Variants in PTPN14 observed in about 807,000 individuals in gnomAD.
PTPN14 encodes tyrosine-protein phosphatase non-receptor type 14.
PTPN14 carries 53 observed loss-of-function variants against 126.8 expected under a neutral mutation model. The observed-to-expected ratio is 0.42, with a 90% CI of 0.34 to 0.53. The LOEUF (loss-of-function observed/expected upper bound fraction) is 0.53. Among genes scored for constraint, PTPN14 ranks in the 20% least tolerant of loss-of-function variants. The probability of loss-of-function intolerance (pLI) is 0.08; values close to 1 mark genes in which losing one functional copy is unlikely to be tolerated. For missense variants in PTPN14, 1,257 were observed against 1,552.9 expected (o/e 0.81, Z 3.20); for synonymous variants, 630 against 599.3 (o/e 1.05, Z -0.75).
intron 3 of PTPN14, among the ~76,000 whole-genome samples, chr1:214,449,011 C>CTTTTTTTTTTTTTTCT (rs71165970): frequency 8.9e-6 from 1 of 112,440 alleles, no homozygotes; most frequent in Admixed American, 1.0e-4. Flanking sequence ...CTTAATTTTT[C>CTTTTTTTTTTTTTTCT]TTTTTTTTTT....
At chr1:214,466,024 T>C (rs1660629983) in intron 1 of PTPN14, among the ~76,000 whole-genome samples, 1 of 137,162 alleles carries the variant, frequency 7.3e-6, no homozygotes, top group South Asian at 2.6e-4. Context: ...TGGTGCAATC[T>C]TGGCTCAGTG....
chr1:214,385,264 G>A (rs149002729), intron 12 of PTPN14, among the ~76,000 whole-genome samples: 171 of 152,256 alleles, frequency 1.1e-3, no homozygotes, highest in African/African-American at 3.9e-3. Context: ...TCACCCAGGG[G>A]ACTGCAGGGC....
intron 14 of PTPN14, among the ~76,000 whole-genome samples, chr1:214,376,828 C>T (rs1402053295): frequency 2.6e-5 from 4 of 152,144 alleles, no homozygotes; most frequent in Non-Finnish European, 5.9e-5. Context: ...AGGATTAAAT[C>T]ACTCTCTTTT....
intron 18 of PTPN14, among the ~76,000 whole-genome samples, chr1:214,359,584 A>C (rs1657908550): frequency 6.6e-6 from 1 of 151,854 alleles, no homozygotes; most frequent in Admixed American, 6.6e-5. Flanking sequence ...CAGTGGTGCG[A>C]TCATAACTCA....
intron 1 of PTPN14, among the ~76,000 whole-genome samples, chr1:214,540,574 C>T (rs763991895): frequency 1.1e-4 from 16 of 152,158 alleles, no homozygotes; most frequent in East Asian, 3.8e-4. Flanking sequence ...GAGCAAGCAG[C>T]GCTGATGGCA....
chr1:214,397,476 T>C (rs1658907208), intron 8 of PTPN14, among the ~76,000 whole-genome samples: 1 of 152,216 alleles, frequency 6.6e-6, no homozygotes. Flanking sequence ...TAATGAAAAG[T>C]ACCAAAGCCC....
chr1:214,481,009 T>A (rs1660972624), intron 1 of PTPN14, among the ~76,000 whole-genome samples: 1 of 152,038 alleles, frequency 6.6e-6, no homozygotes, highest in South Asian at 2.1e-4. Context: ...ATCCACACAC[T>A]GTTCTAGGGC....
chr1:214,440,204 T>C (rs1660008379), intron 3 of PTPN14, among the ~76,000 whole-genome samples: 1 of 152,216 alleles, frequency 6.6e-6, no homozygotes. Flanking sequence ...TTTATCTGTC[T>C]GTTTCTCAGT....
intron 3 of PTPN14, among the ~76,000 whole-genome samples, chr1:214,432,095 G>T (rs1659809553): frequency 6.6e-6 from 1 of 151,966 alleles, no homozygotes; most frequent in Non-Finnish European, 1.5e-5. Flanking sequence ...GAGGTAGGAG[G>T]ATCTCCTGGG....
chr1:214,437,505 T>C (rs1016766685), intron 3 of PTPN14, among the ~76,000 whole-genome samples: 1 of 152,178 alleles, frequency 6.6e-6, no homozygotes, highest in African/African-American at 2.4e-5. Context: ...CCTAAACCTA[T>C]TTAGGAGATG....
At chr1:214,385,500 G>C (rs1658586725) in intron 12 of PTPN14, among the ~76,000 whole-genome samples, 1 of 134,540 alleles carries the variant, frequency 7.4e-6, no homozygotes, top group Non-Finnish European at 1.5e-5. Flanking sequence ...GGCCCAACCT[G>C]ATTGATTTCT....
intron 3 of PTPN14, among the ~76,000 whole-genome samples, chr1:214,415,434 C>T (rs1178358867): frequency 6.6e-6 from 1 of 152,200 alleles, no homozygotes; most frequent in African/African-American, 2.4e-5. Flanking sequence ...TCACTCAAGA[C>T]GTTTATTTCC....
chr1:214,527,017 G>C lies in PTPN14; in HGVS notation c.-155+24166C>G, dbSNP rs147063047. Among the ~76,000 whole-genome samples the C allele has an allele frequency of 3.4e-3, 512 of 152,166 alleles. 6 individuals are homozygous for C. The highest frequency in any genetic ancestry group is 6.1e-3 in the Admixed American group (94 of 15,288). On this transcript the variant is annotated intron_variant, in intron 1 of 18. Transcript: ENST00000366956. ...GAGTCAGGAGAATCACTTGAACCCG[G>C]GAGACAGAGGTTGCGATGAGCCAAG...
intron 1 of PTPN14, among the ~76,000 whole-genome samples, chr1:214,505,454 G>T (rs1190803992): frequency 6.6e-6 from 1 of 152,198 alleles, no homozygotes; most frequent in African/African-American, 2.4e-5. Context: ...GTCCCTTCGG[G>T]GGGGTGGGGT....
intron 1 of PTPN14, among the ~76,000 whole-genome samples, chr1:214,537,502 T>C (rs1320052215): frequency 5.3e-5 from 8 of 152,160 alleles, no homozygotes; most frequent in Admixed American, 2.0e-4. Flanking sequence ...TAAGCCCGAG[T>C]TGTCTCATCT....
At chr1:214,416,200 A>G (rs1659422198) in intron 3 of PTPN14, among the ~76,000 whole-genome samples, 1 of 152,220 alleles carries the variant, frequency 6.6e-6, no homozygotes, top group Non-Finnish European at 1.5e-5. Flanking sequence ...AAGGATGCAC[A>G]TATCTTTTTG....
chr1:214,429,105 A>G (rs1269090041), intron 3 of PTPN14, among the ~76,000 whole-genome samples: 2 of 152,232 alleles, frequency 1.3e-5, no homozygotes, highest in Non-Finnish European at 2.9e-5. Flanking sequence ...CCCGTTCCGT[A>G]TAATTTTCAT....
chr1:214,452,060 A>G (rs1660283771), intron 2 of PTPN14, 86 bp from the exon 3 acceptor site: 1 of 1,449,426 alleles, frequency 6.9e-7, no homozygotes, highest in Admixed American at 2.1e-5. Flanking sequence ...AGCATGCTGC[A>G]TCCCACCCTG....
chr1:214,452,008 C>T (rs1660282331), intron 2 of PTPN14, 34 bp from the exon 3 acceptor site: 7 of 1,594,060 alleles, frequency 4.4e-6, no homozygotes, highest in Non-Finnish European at 5.1e-6. Context: ...TCAGTTCATG[C>T]TCACCACAAG....
Sources: allele counts gnomAD v4.1 joint callset (sites outside exome capture counted in the v4.1 genomes callset), GRCh38; gene constraint gnomAD v4.1.1; transcripts MANE v1.5; gene names NCBI Gene and HGNC (gene_info 2026-07-23, HGNC 2026-07-21).